Variants in DNAJC15 observed in about 807,000 individuals in gnomAD.
The protein encoded by DNAJC15 is dnaJ homolog subfamily C member 15.
In DNAJC15, 27 loss-of-function variants were observed where a neutral mutation model predicts 22.4. The ratio of observed to expected loss-of-function variants is 1.20; its 90% confidence interval spans 0.89 to 1.66. The LOEUF (loss-of-function observed/expected upper bound fraction) is 1.66, where lower values mean the gene tolerates loss of function less well. DNAJC15 is among the 40% of genes most tolerant of loss of function. The pLI, the probability that DNAJC15 is intolerant of heterozygous loss-of-function variation, is 0.00. For missense variants in DNAJC15, 208 were observed against 187.1 expected, an observed-to-expected ratio of 1.11 and a Z score of -0.65; for synonymous variants, 79 against 63.2, an observed-to-expected ratio of 1.25 and a Z score of -1.19.
chr13:43,096,301 G>A (rs2153442055), intron 5 of DNAJC15, among the ~76,000 whole-genome samples: 1 of 152,276 alleles, frequency 6.6e-6, no homozygotes, highest in East Asian at 1.9e-4. Context: ...GCTGCATAAA[G>A]GACACATAGT....
At chr13:43,035,804 T>A (rs924936404) in intron 1 of DNAJC15, among the ~76,000 whole-genome samples, 3 of 152,160 alleles carry the variant, frequency 2.0e-5, no homozygotes, top group Non-Finnish European at 4.4e-5. Flanking sequence ...CACTGCAGTC[T>A]CAATTTCCCA....
intron 1 of DNAJC15, among the ~76,000 whole-genome samples, chr13:43,027,984 C>T (rs1354603966): frequency 6.6e-6 from 1 of 152,100 alleles, no homozygotes; most frequent in African/African-American, 2.4e-5. Context: ...CTGTTTTTTA[C>T]ACCATAATGG....
At chr13:43,091,235 C>T (rs557863875) in intron 5 of DNAJC15, among the ~76,000 whole-genome samples, 1 of 152,240 alleles carries the variant, frequency 6.6e-6, no homozygotes, top group East Asian at 1.9e-4. Flanking sequence ...CAGGTGTGTG[C>T]CACCACGCCT....
intron 1 of DNAJC15, among the ~76,000 whole-genome samples, chr13:43,039,880 G>A (rs1213794082): frequency 2.6e-5 from 4 of 152,050 alleles, no homozygotes; most frequent in African/African-American, 9.7e-5. Flanking sequence ...TTAGCCAGGC[G>A]TGGTGGCGTG....
At chr13:43,051,489 C>A (rs186251678) in intron 1 of DNAJC15, among the ~76,000 whole-genome samples, 147 of 152,228 alleles carry the variant, frequency 9.7e-4, no homozygotes, top group African/African-American at 3.3e-3. Flanking sequence ...CATCCTCATA[C>A]CTTAGCTCCT....
At chr13:43,059,246 ACTCAAGTTT>A (rs1371407015) in intron 1 of DNAJC15, among the ~76,000 whole-genome samples, 1 of 151,918 alleles carries the variant, frequency 6.6e-6, no homozygotes, top group Non-Finnish European at 1.5e-5. Context: ...ATTATTAAAA[ACTCAAGTTT>A]TTATTACATT....
chr13:43,104,720 C>T (rs1481757024), intron 5 of DNAJC15, among the ~76,000 whole-genome samples: 2 of 150,192 alleles, frequency 1.3e-5, no homozygotes, highest in African/African-American at 4.9e-5. Context: ...GATAGGGCCC[C>T]ACCCTGTCGT....
chr13:43,053,679 G>C (rs1476641045), intron 1 of DNAJC15, among the ~76,000 whole-genome samples: 1 of 93,754 alleles, frequency 1.1e-5, no homozygotes, highest in Admixed American at 9.9e-5. Context: ...TGCAGCTATT[G>C]TAAAAGGGGT....
intron 5 of DNAJC15, among the ~76,000 whole-genome samples, chr13:43,102,794 C>G (rs2040776332): frequency 6.6e-6 from 1 of 151,942 alleles, no homozygotes; most frequent in Non-Finnish European, 1.5e-5. Context: ...AGATCTGGGT[C>G]TGTGGTTTCC....
chr13:43,041,263 C>CTGCCTTCAAGCATT (rs1012626369), intron 1 of DNAJC15, among the ~76,000 whole-genome samples: 1 of 152,190 alleles, frequency 6.6e-6, no homozygotes, highest in Admixed American at 6.6e-5. Flanking sequence ...TTAACCACTG[C>CTGCCTTCAAGCATT]TGCCTTCAAG....
chr13:43,061,062 T>C (rs2040556621), intron 1 of DNAJC15, among the ~76,000 whole-genome samples: 1 of 152,196 alleles, frequency 6.6e-6, no homozygotes, highest in East Asian at 1.9e-4. Flanking sequence ...GAGAAGTGAT[T>C]TCCTTGAGGA....
At position 43,077,890 on chromosome 13, in the gene DNAJC15, A is replaced by G. The variant is rs146801835; in HGVS notation, c.235-722A>G. 1.5e-4 allele frequency among the ~76,000 whole-genome samples: 23 copies of G among 152,340 alleles called. No individual in the cohort carries two copies. In the East Asian group the frequency reaches 4.0e-3, roughly 27 times the overall value. ...CTCTGCTACCGCCTTAGTTCATACC[A>G]TCATCATCTGTTGTCTGGATTATTG... On this transcript the variant is annotated intron_variant, in intron 3 of 5. Transcript: ENST00000379221.
intron 5 of DNAJC15, among the ~76,000 whole-genome samples, chr13:43,102,760 T>G (rs2040776093): frequency 6.6e-6 from 1 of 152,134 alleles, no homozygotes; most frequent in African/African-American, 2.4e-5. Context: ...AGTATTTTGT[T>G]TGTTTTGCAC....
intron 5 of DNAJC15, among the ~76,000 whole-genome samples, chr13:43,103,265 G>T (rs2153442341): frequency 6.6e-6 from 1 of 152,214 alleles, no homozygotes; most frequent in East Asian, 1.9e-4. Context: ...ACTCTGTGTT[G>T]GAGGACTTTG....
At chr13:43,024,047 C>T (rs1484477299) in intron 1 of DNAJC15, among the ~76,000 whole-genome samples, 2 of 152,158 alleles carry the variant, frequency 1.3e-5, no homozygotes, top group Admixed American at 6.5e-5. Context: ...TCATAGGAGG[C>T]CCTAAAAACG....
chr13:43,029,866 A>G (rs540807147), intron 1 of DNAJC15, among the ~76,000 whole-genome samples: 1 of 152,346 alleles, frequency 6.6e-6, no homozygotes, highest in East Asian at 1.9e-4. Flanking sequence ...AGTACCAGGC[A>G]CATGGTTGCT....
chr13:43,076,020 A>G (rs2040632567), intron 3 of DNAJC15, among the ~76,000 whole-genome samples: 1 of 151,926 alleles, frequency 6.6e-6, no homozygotes, highest in African/African-American at 2.4e-5. Context: ...CTCTTTATAT[A>G]TGTGCATACT....
chr13:43,045,520 TTCATGCACTGGTAG>T (rs1365555276), intron 1 of DNAJC15, among the ~76,000 whole-genome samples: 2 of 152,158 alleles, frequency 1.3e-5, no homozygotes, highest in Non-Finnish European at 2.9e-5. Context: ...GTGACGGGGT[TTCATGCACTGGTAG>T]TCAGAGTGAA....
intron 1 of DNAJC15, among the ~76,000 whole-genome samples, chr13:43,030,443 C>G (rs1330013698): frequency 6.6e-6 from 1 of 152,194 alleles, no homozygotes; most frequent in Non-Finnish European, 1.5e-5. Flanking sequence ...TGCAACTACA[C>G]TGTTGTAGAC....
Sources: allele counts gnomAD v4.1 joint callset (sites outside exome capture counted in the v4.1 genomes callset), GRCh38; gene constraint gnomAD v4.1.1; transcripts MANE v1.5; gene names NCBI Gene and HGNC (gene_info 2026-07-23, HGNC 2026-07-21).